The following GFRA1 variants were observed in gnomAD, a reference collection of about 807,000 sequenced individuals.
The protein encoded by GFRA1 is GDNF family receptor alpha 1.
Under a neutral mutation model 51.6 loss-of-function variants are expected in GFRA1, and 16 were observed. The observed-to-expected ratio is 0.31, with a 90% CI of 0.21 to 0.47. The LOEUF is 0.47. Ranked by LOEUF, GFRA1 falls within the 20% of genes least tolerant of loss-of-function variation. The pLI is 1.00. For missense variants in GFRA1, 530 were observed against 594.3 expected (o/e 0.89, Z 1.13); for synonymous variants, 270 against 241.3 (o/e 1.12, Z -1.10).
At chr10:116,175,474 G>C (rs1961494405) in intron 5 of GFRA1, among the ~76,000 whole-genome samples, 1 of 152,200 alleles carries the variant, frequency 6.6e-6, no homozygotes, top group Non-Finnish European at 1.5e-5. Context: ...ACCATGCATA[G>C]ATCATTAAAG....
At chr10:116,230,715 GACACACACACACACAC>G (rs5788144) in intron 4 of GFRA1, among the ~76,000 whole-genome samples, 2 of 150,462 alleles carry the variant, frequency 1.3e-5, no homozygotes, top group South Asian at 4.2e-4. Context: ...CATGTGGACA[GACACACACACACACAC>G]ACACACACAC....
intron 5 of GFRA1, among the ~76,000 whole-genome samples, chr10:116,201,679 G>C: frequency 6.6e-6 from 1 of 152,018 alleles, no homozygotes. Context: ...ACCAGGCTTG[G>C]GTCTCCAGTG....
intron 9 of GFRA1, among the ~76,000 whole-genome samples, chr10:116,074,590 G>T (rs1179931645): frequency 6.6e-6 from 1 of 152,202 alleles, no homozygotes; most frequent in Non-Finnish European, 1.5e-5. Flanking sequence ...GATGCCAGTG[G>T]TGAGTGCCTC....
rs78986454 is a variant in GFRA1 at position 116,259,184 on chromosome 10, G to A, written c.418+10319C>T. Among the ~76,000 whole-genome samples the A allele has an allele frequency of 5.6e-3, 859 of 152,296 alleles. 10 individuals are homozygous for A. Among genetic ancestry groups the A allele is most frequent in the Non-Finnish European group, 8.0e-3 (547 of 68,020 alleles). ...TTAACTGTACACAAAACGATCATGT[G>A]CAAAGGACAACAGAAATCACAGTTG... is the stretch of plus-strand genomic sequence containing the variant. On this transcript the variant is annotated intron_variant, in intron 4 of 10. Transcript: ENST00000355422.
At chr10:116,177,749 A>C (rs911139777) in intron 5 of GFRA1, among the ~76,000 whole-genome samples, 3 of 152,182 alleles carry the variant, frequency 2.0e-5, no homozygotes, top group South Asian at 2.1e-4. Context: ...ATAACTTAAT[A>C]ATCAACAACT....
chr10:116,240,069 T>C (rs1285358080), intron 4 of GFRA1, among the ~76,000 whole-genome samples: 3 of 152,164 alleles, frequency 2.0e-5, no homozygotes, highest in African/African-American at 7.2e-5. Context: ...TGATGTATTA[T>C]TAAAAAAACG....
chr10:116,087,256 G>C (rs1956138574), intron 9 of GFRA1, among the ~76,000 whole-genome samples: 1 of 105,176 alleles, frequency 9.5e-6, no homozygotes, highest in Middle Eastern at 4.3e-3. Context: ...GGGAGCCCAA[G>C]TCAGGATTTG....
At chr10:116,150,411 A>T (rs764036545) in intron 5 of GFRA1, among the ~76,000 whole-genome samples, 1 of 152,180 alleles carries the variant, frequency 6.6e-6, no homozygotes, top group Non-Finnish European at 1.5e-5. Flanking sequence ...GTTCCCGGTC[A>T]ATATGTGATC....
At chr10:116,065,268 G>A (rs1047259504) in intron 10 of GFRA1, among the ~76,000 whole-genome samples, 1 of 152,210 alleles carries the variant, frequency 6.6e-6, no homozygotes, top group South Asian at 2.1e-4. Context: ...AGTGAGATTT[G>A]CTATGTATCG....
At chr10:116,253,718 G>T (rs1968579605) in intron 4 of GFRA1, among the ~76,000 whole-genome samples, 1 of 152,160 alleles carries the variant, frequency 6.6e-6, no homozygotes, top group African/African-American at 2.4e-5. Context: ...AAAATAAAAA[G>T]CATGTAATTT....
At chr10:116,268,382 T>TA (rs1313562200) in intron 4 of GFRA1, among the ~76,000 whole-genome samples, 1 of 152,176 alleles carries the variant, frequency 6.6e-6, no homozygotes, top group Admixed American at 6.5e-5. Flanking sequence ...TGGCAAATAA[T>TA]AAGACTTAAT....
chr10:116,097,867 G>A (rs1956665852), intron 6 of GFRA1, among the ~76,000 whole-genome samples: 1 of 152,206 alleles, frequency 6.6e-6, no homozygotes, highest in East Asian at 1.9e-4. Context: ...ATATAAACGA[G>A]TTTGGTTTGG....
chr10:116,198,944 A>T (rs1377370485), intron 5 of GFRA1, among the ~76,000 whole-genome samples: 1 of 152,192 alleles, frequency 6.6e-6, no homozygotes, highest in East Asian at 1.9e-4. Flanking sequence ...TCCTCATAAG[A>T]AAAGAAGATA....
intron 6 of GFRA1, among the ~76,000 whole-genome samples, chr10:116,106,461 C>T (rs116943976): frequency 6.6e-6 from 1 of 152,192 alleles, no homozygotes; most frequent in Non-Finnish European, 1.5e-5. Flanking sequence ...GGACGTGTGT[C>T]CCCACCCAAA....
intron 4 of GFRA1, among the ~76,000 whole-genome samples, chr10:116,234,455 A>G (rs1057073406): frequency 2.0e-5 from 3 of 152,192 alleles, no homozygotes; most frequent in African/African-American, 7.2e-5. Flanking sequence ...CTTAGGATAC[A>G]CAGCAAAAGA....
intron 4 of GFRA1, among the ~76,000 whole-genome samples, chr10:116,261,292 C>CA (rs1433710695): frequency 3.9e-5 from 6 of 152,156 alleles, no homozygotes; most frequent in African/African-American, 1.4e-4. Context: ...ATTGTCCTAT[C>CA]AATTTATGGA....
chr10:116,267,437 G>C (rs912142739), intron 4 of GFRA1, among the ~76,000 whole-genome samples: 1 of 152,130 alleles, frequency 6.6e-6, no homozygotes, highest in African/African-American at 2.4e-5. Context: ...CTGCACTCCA[G>C]CCTGGGCCCT....
intron 8 of GFRA1, among the ~76,000 whole-genome samples, chr10:116,092,104 C>CGT (rs1351770181): frequency 2.1e-5 from 3 of 140,412 alleles, no homozygotes; most frequent in South Asian, 2.2e-4. Context: ...CGTACACACA[C>CGT]ACACACACAC....
At chr10:116,138,522 T>C (rs991274326) in intron 5 of GFRA1, among the ~76,000 whole-genome samples, 1 of 152,136 alleles carries the variant, frequency 6.6e-6, no homozygotes, top group Non-Finnish European at 1.5e-5. Flanking sequence ...ACAGGAAGGT[T>C]TTCTTTGCCC....
Sources: gnomAD v4.1 joint callset for allele counts (sites outside exome capture counted in the v4.1 genomes callset) on GRCh38, gnomAD v4.1.1 for gene constraint, MANE v1.5 for transcripts, NCBI Gene and HGNC (gene_info 2026-07-23, HGNC 2026-07-21) for gene names.